DIAPH2: variants seen among roughly 807,000 people sequenced by gnomAD.
DIAPH2 encodes the protein protein diaphanous homolog 2.
In DIAPH2, 35 loss-of-function variants were observed where a neutral mutation model predicts 92.7. The ratio of observed to expected loss-of-function variants is 0.38; its 90% CI spans 0.29 to 0.50. DIAPH2 has a LOEUF of 0.50. Ranked by LOEUF, DIAPH2 falls within the 20% of genes least tolerant of loss-of-function variation. DIAPH2 has a pLI of 0.94. For synonymous variants in DIAPH2, 301 were observed against 280.4 expected (o/e 1.07, Z -0.73); for missense variants, 701 against 819.5 (o/e 0.86, Z 1.77).
chrX:96,785,152 G>A (rs1292882643), intron 4 of DIAPH2, among the ~76,000 whole-genome samples: 1 of 111,940 alleles, frequency 8.9e-6, no homozygotes, highest in Admixed American at 9.5e-5. Flanking sequence ...GTTTGTAAAA[G>A]TAATCAAATA....
intron 22 of DIAPH2, among the ~76,000 whole-genome samples, chrX:97,219,134 A>G (rs1423203499): frequency 1.8e-5 from 2 of 112,599 alleles, no homozygotes; most frequent in African/African-American, 6.4e-5. Flanking sequence ...GCAGAGTAGC[A>G]TAGGCTACGT....
At chrX:97,140,619 G>C (rs1352324574) in intron 21 of DIAPH2, among the ~76,000 whole-genome samples, 1 of 111,562 alleles carries the variant, frequency 9.0e-6, no homozygotes, top group Non-Finnish European at 1.9e-5. Flanking sequence ...ATCACATTGA[G>C]ATGCAAATGG....
chrX:97,397,453 G>A (rs1027133215), intron 25 of DIAPH2, among the ~76,000 whole-genome samples: 10 of 111,540 alleles, frequency 9.0e-5, no homozygotes, highest in African/African-American at 2.6e-4. Flanking sequence ...AGAAAGTTGC[G>A]TAGGAATTAT....
At chrX:97,473,340 TTA>T (rs2070577959) in intron 26 of DIAPH2, among the ~76,000 whole-genome samples, 1 of 110,786 alleles carries the variant, frequency 9.0e-6, no homozygotes, top group Non-Finnish European at 1.9e-5. Context: ...AATTAATTAA[TTA>T]ATTTATTTTT....
chrX:96,884,858 C>T (rs1475064302), intron 5 of DIAPH2: 1 of 1,211,079 alleles, frequency 8.3e-7, no homozygotes, highest in Admixed American at 2.2e-5. Flanking sequence ...GTGCCTGTGT[C>T]TCCATCAGAA....
At chrX:97,520,830 G>A (rs762125229) in intron 26 of DIAPH2, among the ~76,000 whole-genome samples, 4 of 112,229 alleles carry the variant, frequency 3.6e-5, no homozygotes, top group Non-Finnish European at 7.5e-5. Context: ...AATGGAAGAC[G>A]AAGTACAACA....
intron 17 of DIAPH2, among the ~76,000 whole-genome samples, chrX:97,068,713 A>G (rs958704824): frequency 2.7e-5 from 3 of 112,070 alleles, no homozygotes; most frequent in Non-Finnish European, 3.8e-5. Flanking sequence ...ATGTAGCTGG[A>G]ATCACCTCTG....
At chrX:97,118,584 C>T (rs1450194396) in intron 21 of DIAPH2, among the ~76,000 whole-genome samples, 1 of 111,674 alleles carries the variant, frequency 9.0e-6, no homozygotes, top group Non-Finnish European at 1.9e-5. Context: ...AGAGAAGATA[C>T]ACAGAAACCT....
intron 5 of DIAPH2, among the ~76,000 whole-genome samples, chrX:96,911,054 T>C (rs917812310): frequency 1.1e-4 from 12 of 111,427 alleles, no homozygotes; most frequent in African/African-American, 3.6e-4. Flanking sequence ...GCTCCAGCAA[T>C]GATAATTTGT....
intron 4 of DIAPH2, among the ~76,000 whole-genome samples, chrX:96,867,774 TA>T (rs1185586962): frequency 8.1e-5 from 9 of 111,770 alleles, no homozygotes; most frequent in African/African-American, 2.9e-4. Context: ...TTATATATAC[TA>T]ATATAAACAA....
At chrX:96,722,223 G>T (rs915129162) in intron 1 of DIAPH2, among the ~76,000 whole-genome samples, 2 of 110,478 alleles carry the variant, frequency 1.8e-5, no homozygotes, top group Non-Finnish European at 3.8e-5. Flanking sequence ...CGGGCGTGGT[G>T]GTGGGCGCCT....
At chrX:96,691,176 C>G (rs1244252952) in intron 1 of DIAPH2, among the ~76,000 whole-genome samples, 1 of 111,603 alleles carries the variant, frequency 9.0e-6, no homozygotes, top group African/African-American at 3.3e-5. Context: ...TTAAATGTTA[C>G]TGGGTACCAC....
chrX:97,159,557 C>G (rs753009278), intron 22 of DIAPH2, among the ~76,000 whole-genome samples: 5 of 111,703 alleles, frequency 4.5e-5, no homozygotes, highest in Non-Finnish European at 5.6e-5. Context: ...ACATTACTGC[C>G]AAACAACTGG....
intron 19 of DIAPH2, among the ~76,000 whole-genome samples, chrX:97,097,220 G>A (rs2066875590): frequency 8.9e-6 from 1 of 111,856 alleles, no homozygotes; most frequent in Admixed American, 9.5e-5. Context: ...AATCAGATAT[G>A]TTTAGGCATT....
intron 4 of DIAPH2, among the ~76,000 whole-genome samples, chrX:96,818,994 G>A (rs2064760026): frequency 8.9e-6 from 1 of 112,614 alleles, no homozygotes; most frequent in Middle Eastern, 4.2e-3. Flanking sequence ...TACTTTGCAT[G>A]TGCAGTTCAC....
chrX:97,048,698 A>G (rs1214452950), intron 17 of DIAPH2, among the ~76,000 whole-genome samples: 1 of 111,146 alleles, frequency 9.0e-6, no homozygotes, highest in Non-Finnish European at 1.9e-5. Context: ...AGCGGTTGGC[A>G]CTCAGCATTC....
chrX:97,075,405 A>G, intron 19 of DIAPH2, 144 bp downstream of exon 19: 2 of 347,567 alleles, frequency 5.8e-6, no homozygotes, highest in Non-Finnish European at 1.0e-5. Flanking sequence ...AGGAATATCT[A>G]GCTGTGTTGA....
intron 5 of DIAPH2, among the ~76,000 whole-genome samples, chrX:96,910,678 G>A (rs747494655): frequency 7.2e-5 from 8 of 111,372 alleles, no homozygotes; most frequent in East Asian, 5.6e-4. Flanking sequence ...ATTTAAATTA[G>A]CAAATACTTA....
chrX:97,442,458 T>G (rs1326643783), intron 26 of DIAPH2, among the ~76,000 whole-genome samples: 2 of 112,761 alleles, frequency 1.8e-5, no homozygotes, highest in Non-Finnish European at 3.7e-5. Context: ...TTGTCATAAG[T>G]ACCTTAAAAT....
Sources: allele counts gnomAD v4.1 joint callset (sites outside exome capture counted in the v4.1 genomes callset), GRCh38; gene constraint gnomAD v4.1.1; transcripts MANE v1.5; gene names NCBI Gene and HGNC (gene_info 2026-07-23, HGNC 2026-07-21).